Variants in MCCC1 observed in about 807,000 individuals in gnomAD.
MCCC1 encodes the protein methylcrotonoyl-CoA carboxylase subunit alpha, mitochondrial.
Under a neutral mutation model 83.8 loss-of-function variants are expected in MCCC1, and 64 were observed. The observed-to-expected ratio is 0.76, with a 90% CI of 0.62 to 0.94. The LOEUF (loss-of-function observed/expected upper bound fraction) is 0.94. Ranked by LOEUF, MCCC1 falls within the 40% of genes least tolerant of loss-of-function variation. MCCC1 has a pLI of 0.00. For missense variants in MCCC1, 807 were observed against 904.7 expected, an observed-to-expected ratio of 0.89 and a Z score of 1.39; for synonymous variants, 322 against 315.4, an observed-to-expected ratio of 1.02 and a Z score of -0.22.
chr3:183,106,956 T>A (rs1719416419), intron 1 of MCCC1, among the ~76,000 whole-genome samples: 1 of 152,190 alleles, frequency 6.6e-6, no homozygotes, highest in Admixed American at 6.5e-5. Context: ...GATGCCTTTT[T>A]TTTTACCTCT....
At chr3:183,021,970 C>T (rs1015153391) in intron 16 of MCCC1, among the ~76,000 whole-genome samples, 1 of 152,080 alleles carries the variant, frequency 6.6e-6, no homozygotes, top group Non-Finnish European at 1.5e-5. Flanking sequence ...CATCCACCTT[C>T]CTACTGTCCA....
At position 183,017,200 on chromosome 3, in the gene MCCC1, CA is replaced by C. The variant is rs1711711975; in HGVS notation, c.2049+65del. 3 of 1,396,746 alleles carry C rather than the reference CA, an allele frequency of 2.1e-6. No individual in the cohort carries two copies. In the East Asian group the frequency reaches 6.8e-5, roughly 32 times the overall value. The allele number at this position is 1,396,746 out of a possible 1,614,324, so 86.5% of individuals were successfully genotyped here. A position where few individuals can be genotyped will look rare whatever the true frequency, so the allele number is the denominator to read the frequency against. On this transcript the variant is annotated intron_variant, in intron 18 of 18. Transcript: ENST00000265594. ...GGTGGTATTAACTTACAAAATAAGG[CA>C]AAAGAACCATTAGGTATGATTGCTC...
At chr3:183,065,972 T>C (rs897982512) in intron 7 of MCCC1, among the ~76,000 whole-genome samples, 2 of 152,216 alleles carry the variant, frequency 1.3e-5, no homozygotes, top group Non-Finnish European at 2.9e-5. Flanking sequence ...TTAACATTAA[T>C]AGTACAGTTA....
intron 14 of MCCC1, among the ~76,000 whole-genome samples, chr3:183,030,353 A>G (rs906593798): frequency 6.6e-6 from 1 of 152,024 alleles, no homozygotes; most frequent in Non-Finnish European, 1.5e-5. Flanking sequence ...AAAATTCCCC[A>G]TATATGCCCC....
Position 183,074,122 on chromosome 3 carries a change from C to T in MCCC1, c.370-1635G>A, listed in dbSNP as rs200843273. ...GAATTTTCCATTTAATATTTTCACA[C>T]CATAGTAGACTGCAGGTAACTGAAA... is the stretch of plus-strand genomic sequence containing the variant. On this transcript the variant is annotated intron_variant, in intron 4 of 18. Transcript: ENST00000265594. 2.0e-5 allele frequency among the ~76,000 whole-genome samples: 3 copies of T among 152,168 alleles called. No homozygotes were observed. The South Asian group carries it at 6.2e-4, about 32-fold the overall frequency.
At chr3:183,113,917 TG>T (rs1248865230) in intron 1 of MCCC1, among the ~76,000 whole-genome samples, 4 of 151,886 alleles carry the variant, frequency 2.6e-5, no homozygotes, top group African/African-American at 9.7e-5. Flanking sequence ...GGAGCTGTCT[TG>T]GGGGGTGAGC....
At chr3:183,052,283 C>T (rs1285124624) in intron 8 of MCCC1, 43 bp from the exon 9 acceptor site, 2 of 1,558,004 alleles carry the variant, frequency 1.3e-6, no homozygotes, top group Non-Finnish European at 1.8e-6. Context: ...AGTAGCTTGC[C>T]TTACTAGAAA....
Position 183,099,425 on chromosome 3 carries a change from C to T in MCCC1, c.16G>A (p.Ala6Thr), listed in dbSNP as rs1157661208. The T allele has an allele frequency of 2.5e-6, 4 of 1,605,830 alleles. No homozygotes were observed. In the African/African-American group the frequency reaches 5.4e-5, roughly 21 times the overall value. Residue 6 changes from alanine (A) to threonine (T), a missense_variant, in exon 1 of 19, where the codon GCG becomes ACG. Physicochemically the swap from Ala to Thr is moderately conservative, Grantham distance 58. Coordinates refer to ENST00000265594, the MANE Select transcript of MCCC1 (RefSeq NM_020166.5). The stretch of plus-strand genomic sequence containing the variant: ...GCCGCCACCAGCAGCACCGACACCG[C>T]AGAGGCCGCCGCCATGTCCCTGGAG... The part of the protein sequence containing the change: MAAAS[A>T]VSVLLVAAER...
upstream of MCCC1, among the ~76,000 whole-genome samples, chr3:183,103,574 A>T (rs1719354157): frequency 6.6e-6 from 1 of 152,088 alleles, no homozygotes; most frequent in Non-Finnish European, 1.5e-5. Flanking sequence ...CCTGAGCTAG[A>T]CACAGGGTGC....
Position 183,037,450 on chromosome 3 carries a change from AC to A in MCCC1, c.1378-17del, listed in dbSNP as rs1246608035. Reference sequence around the variant, plus strand: ...GTCCAACAATCTAGGAAGAGAATAAACCCCCAGTTCCTGCTGAGTGGGGAAA... The same window carrying A: ...GTCCAACAATCTAGGAAGAGAATAAACCCCAGTTCCTGCTGAGTGGGGAAA... On this transcript the variant is annotated splice_polypyrimidine_tract_variant and intron_variant, in intron 12 of 18. Coordinates refer to ENST00000265594, the MANE Select transcript of MCCC1 (RefSeq NM_020166.5). 3.8e-6 allele frequency: 6 copies of A among 1,597,252 alleles called. No homozygotes were observed. The Admixed American group carries it at 6.7e-5, about 18-fold the overall frequency.
At chr3:183,028,657 G>C (rs1294203122) in intron 14 of MCCC1, among the ~76,000 whole-genome samples, 1 of 152,230 alleles carries the variant, frequency 6.6e-6, no homozygotes, top group African/African-American at 2.4e-5. Context: ...CTTTAGCAGA[G>C]GAAGTAACTG....
At chr3:183,041,922 T>A (rs1714123009) in intron 10 of MCCC1, among the ~76,000 whole-genome samples, 172 bp from the exon 11 acceptor site, 1 of 152,160 alleles carries the variant, frequency 6.6e-6, no homozygotes, top group Non-Finnish European at 1.5e-5. Context: ...AAACAAAAAA[T>A]TAAAAAACAG....
chr3:183,028,291 A>G (rs1341029185), intron 14 of MCCC1, among the ~76,000 whole-genome samples: 2 of 152,202 alleles, frequency 1.3e-5, no homozygotes, highest in Non-Finnish European at 2.9e-5. Context: ...TGCTCAGATA[A>G]AAAGATTCCT....
At chr3:183,088,205 TGTGTG>T (rs1307333957) in intron 3 of MCCC1, among the ~76,000 whole-genome samples, 46 of 145,198 alleles carry the variant, frequency 3.2e-4, no homozygotes, top group East Asian at 7.8e-4. Flanking sequence ...TTGTTGTTGT[TGTGTG>T]TTTTTTTTTT....
chr3:183,072,770 A>C (rs1040680033), intron 4 of MCCC1, among the ~76,000 whole-genome samples: 1 of 152,254 alleles, frequency 6.6e-6, no homozygotes, highest in Non-Finnish European at 1.5e-5. Flanking sequence ...AGTGGCATTA[A>C]GTACACTCAC....
At chr3:183,107,871 G>A (rs1719431523) in intron 1 of MCCC1, among the ~76,000 whole-genome samples, 1 of 152,108 alleles carries the variant, frequency 6.6e-6, no homozygotes, top group Non-Finnish European at 1.5e-5. Context: ...TTTTTAAAAA[G>A]ATGCTGATGA....
intron 2 of MCCC1, 29 bp from the exon 3 acceptor site, chr3:183,092,574 G>A (rs1718446140): frequency 6.2e-7 from 1 of 1,613,566 alleles, no homozygotes; most frequent in African/African-American, 1.3e-5. Context: ...AAATCACACA[G>A]AAATGTTACT....
chr3:183,065,939 TA>T (rs1716224765), intron 7 of MCCC1, among the ~76,000 whole-genome samples: 1 of 152,218 alleles, frequency 6.6e-6, no homozygotes, highest in Non-Finnish European at 1.5e-5. Context: ...GATATGTCTA[TA>T]AGGTTTTATT....
chr3:183,036,160 A>C (rs1310360531), intron 13 of MCCC1, among the ~76,000 whole-genome samples: 1 of 152,028 alleles, frequency 6.6e-6, no homozygotes, highest in Non-Finnish European at 1.5e-5. Context: ...CCAGTTTCCC[A>C]AGGTGTTAGG....
Sources: allele counts gnomAD v4.1 joint callset (sites outside exome capture counted in the v4.1 genomes callset), GRCh38; gene constraint gnomAD v4.1.1; transcripts MANE v1.5; gene names NCBI Gene and HGNC (gene_info 2026-07-23, HGNC 2026-07-21).